PITPNM2: variants seen among roughly 807,000 people sequenced by gnomAD.
The protein encoded by PITPNM2 is phosphatidylinositol transfer protein membrane associated 2.
A neutral mutation model predicts 132.2 loss-of-function variants in PITPNM2; 35 were observed. That is an observed-to-expected ratio of 0.26 (90% confidence interval 0.20 to 0.35). The LOEUF (loss-of-function observed/expected upper bound fraction) is 0.35. Ranked by LOEUF, PITPNM2 falls within the 10% of genes least tolerant of loss-of-function variation. The probability of loss-of-function intolerance (pLI) is 1.00; values close to 1 mark genes in which losing one functional copy is unlikely to be tolerated. For synonymous variants in PITPNM2, 738 were observed against 799.2 expected (o/e 0.92, Z 1.29); for missense variants, 1,332 against 1,912.0 (o/e 0.70, Z 5.66).
At position 122,985,388 on chromosome 12, in the gene PITPNM2, CG is replaced by C. The variant is rs908071350; in HGVS notation, c.*638del. On this transcript the variant is annotated 3_prime_UTR_variant, in exon 26 of 26. Transcript: ENST00000320201. Reference sequence around the variant, plus strand: ...GGCAGGCAGACAGGTGGGCAGGGTCCGGGGTGCAGAAATTAAGATACAGCCT... The same window carrying C: ...GGCAGGCAGACAGGTGGGCAGGGTCCGGGTGCAGAAATTAAGATACAGCCT... The C allele has an allele frequency of 4.6e-5, 7 of 152,442 alleles. No individual in the cohort carries two copies. The highest frequency in any genetic ancestry group is 1.7e-4 in the African/African-American group (7 of 41,478). 9.4% of individuals were successfully genotyped at this position (152,442 alleles called of 1,614,324 possible).
Position 122,986,046 on chromosome 12 carries a change from G to GC in PITPNM2, c.4030dup (p.Ala1344GlyfsTer20). 1 of 1,407,956 alleles carries GC rather than the reference G, an allele frequency of 7.1e-7. No homozygotes were observed. Among genetic ancestry groups the GC allele is most frequent in the Non-Finnish European group, 9.2e-7 (1 of 1,092,528 alleles). The allele number at this position is 1,407,956 out of a possible 1,614,324, so 87.2% of individuals were successfully genotyped here. A position where few individuals can be genotyped will look rare whatever the true frequency, so the allele number is the denominator to read the frequency against. ...GGTGCCCTACTTGGGGCCCGCGGCT[G>GC]CCCCCGGCTCCAGGCGGCCAGTCAT... On this transcript the variant is annotated frameshift_variant, in exon 26 of 26. Coordinates refer to ENST00000320201, the MANE Select transcript of PITPNM2 (RefSeq NM_020845.3). LOFTEE classifies it high-confidence loss of function.
At chr12:122,990,975 C>T (rs1837007782) in intron 16 of PITPNM2, among the ~76,000 whole-genome samples, 1 of 152,172 alleles carries the variant, frequency 6.6e-6, no homozygotes, top group African/African-American at 2.4e-5. Flanking sequence ...CAGTCACCCT[C>T]CTGCCCCACA....
intron 1 of PITPNM2, among the ~76,000 whole-genome samples, chr12:123,114,810 C>T (rs1566299490): frequency 6.6e-6 from 1 of 152,214 alleles, no homozygotes; most frequent in Non-Finnish European, 1.5e-5. Flanking sequence ...ATGCCTGGCA[C>T]ACAGTAAGTG....
In PITPNM2 at chr12:123,008,284, C is replaced by A. The variant is rs2039026531; in HGVS notation, c.643+1566G>T. On this transcript the variant is annotated intron_variant, in intron 6 of 25. Coordinates refer to ENST00000320201, the MANE Select transcript of PITPNM2 (RefSeq NM_020845.3). This position sits in a 1 kb window ranked among gnomAD's most constrained non-coding sequence, Gnocchi z 4.1. ...GGAGAGCCAAGCAGACCCACAGAGC[C>A]AGAGTGCCAGGAGCTGCAGCCTTAG... 2.6e-5 allele frequency among the ~76,000 whole-genome samples: 4 copies of A among 152,194 alleles called. No homozygotes were observed. The highest frequency in any genetic ancestry group is 2.6e-4 in the Admixed American group (4 of 15,282).
In PITPNM2 at chr12:123,036,393, C is replaced by T. The variant is rs1414047687; in HGVS notation, c.-95-1708G>A. On this transcript the variant is annotated intron_variant, in intron 2 of 25. Coordinates refer to ENST00000320201, the MANE Select transcript of PITPNM2 (RefSeq NM_020845.3). The surrounding 1 kb of genome is among the most constrained non-coding windows in gnomAD (Gnocchi z 4.1). ...TTGTTTAGTTCACAGCAGGTAGGAA[C>T]GTCAGCCCGAAGCCCATTCAAATTC... Among the ~76,000 whole-genome samples the T allele has an allele frequency of 1.3e-5, 2 of 152,092 alleles. No homozygotes were observed. Among genetic ancestry groups the T allele is most frequent in the Admixed American group, 6.5e-5 (1 of 15,276 alleles).
intron 1 of PITPNM2, among the ~76,000 whole-genome samples, chr12:123,145,758 T>C (rs1458716816): frequency 6.6e-6 from 1 of 152,188 alleles, no homozygotes; most frequent in African/African-American, 2.4e-5. Flanking sequence ...TCAAGAGGAC[T>C]GCTTGAACCT....
intron 1 of PITPNM2, among the ~76,000 whole-genome samples, chr12:123,112,823 C>G (rs1483602754): frequency 6.6e-6 from 1 of 152,186 alleles, no homozygotes; most frequent in African/African-American, 2.4e-5. Context: ...CAGGCGTGAG[C>G]CACTGCACCC....
At chr12:123,112,273 C>G (rs1232880989) in intron 1 of PITPNM2, among the ~76,000 whole-genome samples, 1 of 152,162 alleles carries the variant, frequency 6.6e-6, no homozygotes, top group African/African-American at 2.4e-5. Context: ...AAATGTGCTG[C>G]TGGCTAACTC....
Position 123,000,410 on chromosome 12 carries a change from C to G in PITPNM2, c.1224+368G>C. 1 of 702,902 alleles carries G rather than the reference C, an allele frequency of 1.4e-6. No individual in the cohort carries two copies. The highest frequency in any genetic ancestry group is 2.6e-6 in the Non-Finnish European group (1 of 384,986). 43.5% of individuals were successfully genotyped at this position (702,902 alleles called of 1,614,324 possible). ...TCTGCCTAGACGACTGTCGCTTCCT[C>G]CCTTTTCGTCTTTTTATCTTCAGGG... On this transcript the variant is annotated intron_variant, in intron 10 of 25. Transcript: ENST00000320201. The surrounding 1 kb of genome is among the most constrained non-coding windows in gnomAD (Gnocchi z 5.4).
At position 123,013,932 on chromosome 12, in the gene PITPNM2, A is replaced by G. The variant is rs2039313377; in HGVS notation, c.189T>C (p.Tyr63=). Residue 63 remains tyrosine (Y), a synonymous_variant, in exon 4 of 26, where the codon TAT becomes TAC. Transcript: ENST00000320201. Reference sequence around the variant, plus strand: ...AGCTGGGAATGTGCATGCCCACATGATACACCTTGTGTGTGTACTGCCCAG... The same window carrying G: ...AGCTGGGAATGTGCATGCCCACATGGTACACCTTGTGTGTGTACTGCCCAG... ...GGSGQYTHKV[Y]HVGMHIPSWF... is the part of the protein sequence containing the mutation. 1 of 1,614,096 alleles carries G rather than the reference A, an allele frequency of 6.2e-7. No homozygotes were observed. Among genetic ancestry groups the G allele is most frequent in the South Asian group, 1.1e-5 (1 of 91,092 alleles).
chr12:123,145,696 G>A (rs1041068186), intron 1 of PITPNM2, among the ~76,000 whole-genome samples: 1 of 152,134 alleles, frequency 6.6e-6, no homozygotes, highest in African/African-American at 2.4e-5. Flanking sequence ...GTGTCCTCTA[G>A]CAAGGGCAGT....
At chr12:123,033,076 T>G (rs994557313) in intron 3 of PITPNM2, among the ~76,000 whole-genome samples, 1 of 151,962 alleles carries the variant, frequency 6.6e-6, no homozygotes, top group African/African-American at 2.4e-5. Flanking sequence ...TGATGGGAGG[T>G]GGAGGCCCTG....
intron 14 of PITPNM2, 93 bp downstream of exon 14, chr12:122,995,295 CG>C (rs1594127029): frequency 6.7e-7 from 1 of 1,484,288 alleles, no homozygotes; most frequent in Non-Finnish European, 8.9e-7. Flanking sequence ...GCAGACAGCC[CG>C]GGTCTCCTGT....
At chr12:123,011,698 G>A (rs916764439) in intron 5 of PITPNM2, among the ~76,000 whole-genome samples, 1 of 152,172 alleles carries the variant, frequency 6.6e-6, no homozygotes, top group Non-Finnish European at 1.5e-5. Context: ...ACCATGTGAC[G>A]AACGAGGCAG....
intron 2 of PITPNM2, among the ~76,000 whole-genome samples, chr12:123,102,980 A>G (rs2042602221): frequency 6.6e-6 from 1 of 152,166 alleles, no homozygotes; most frequent in Non-Finnish European, 1.5e-5. Flanking sequence ...CTGGAGTGCA[A>G]TGGTGTAATC....
intron 1 of PITPNM2, among the ~76,000 whole-genome samples, chr12:123,114,097 T>C (rs1006944189): frequency 6.6e-6 from 1 of 152,242 alleles, no homozygotes; most frequent in Non-Finnish European, 1.5e-5. Flanking sequence ...CATCCATCGA[T>C]GGACATTTGG....
chr12:123,090,397 G>C (rs2042225563), intron 2 of PITPNM2: 1 of 152,220 alleles, frequency 6.6e-6, no homozygotes, highest in Non-Finnish European at 1.5e-5. Flanking sequence ...CAGAGTCTCT[G>C]CCACCCAGCT....
At chr12:123,118,784 T>C (rs1197523057) in intron 1 of PITPNM2, among the ~76,000 whole-genome samples, 1 of 152,208 alleles carries the variant, frequency 6.6e-6, no homozygotes, top group African/African-American at 2.4e-5. Flanking sequence ...TTCTTCATCC[T>C]CGTTAATGTC....
At chr12:123,124,538 C>T (rs1046191812) in intron 1 of PITPNM2, among the ~76,000 whole-genome samples, 10 of 152,136 alleles carry the variant, frequency 6.6e-5, no homozygotes, top group Non-Finnish European at 1.3e-4. Flanking sequence ...GGAAGGAAAA[C>T]TAAGATATTG....
Sources: gnomAD v4.1 joint callset for allele counts (sites outside exome capture counted in the v4.1 genomes callset) on GRCh38, gnomAD v4.1.1 for gene constraint, Gnocchi (gnomAD v3.1) non-coding constraint, MANE v1.5 for transcripts, NCBI Gene and HGNC (gene_info 2026-07-23, HGNC 2026-07-21) for gene names.